Variants in EPB41L3 observed in about 807,000 individuals in gnomAD.
The protein encoded by EPB41L3 is erythrocyte membrane protein band 4.1 like 3.
A neutral mutation model predicts 127.1 loss-of-function variants in EPB41L3; 57 were observed. That is an observed-to-expected ratio of 0.45 (90% CI 0.36 to 0.56). EPB41L3 has a LOEUF of 0.56. Among genes scored for constraint, EPB41L3 ranks in the 20% least tolerant of loss-of-function variants. EPB41L3 has a pLI of 0.00. For missense variants in EPB41L3, 1,273 were observed against 1,372.2 expected (o/e 0.93, Z 1.14); for synonymous variants, 572 against 549.5 (o/e 1.04, Z -0.57).
chr18:5,486,117 A>T (rs926638834), intron 2 of EPB41L3, among the ~76,000 whole-genome samples: 1 of 152,096 alleles, frequency 6.6e-6, no homozygotes, highest in Non-Finnish European at 1.5e-5. Flanking sequence ...TAATCAAAAC[A>T]GCATGGTACT....
intron 3 of EPB41L3, among the ~76,000 whole-genome samples, chr18:5,569,888 T>C (rs1357914141): frequency 1.3e-5 from 2 of 152,240 alleles, no homozygotes; most frequent in African/African-American, 4.8e-5. Flanking sequence ...TCCTTTCAAA[T>C]GTGTAGTCAA....
At chr18:5,446,663 G>A (rs902062713) in intron 3 of EPB41L3, among the ~76,000 whole-genome samples, 2 of 152,182 alleles carry the variant, frequency 1.3e-5, no homozygotes, top group African/African-American at 2.4e-5. Flanking sequence ...AAGCAATTAC[G>A]CAGTCCCCTC....
At chr18:5,551,249 GA>G (rs2093959333) in intron 3 of EPB41L3, among the ~76,000 whole-genome samples, 2 of 152,144 alleles carry the variant, frequency 1.3e-5, no homozygotes, top group African/African-American at 4.8e-5. Flanking sequence ...ATAGCTTGAT[GA>G]ACAGAGCACC....
chr18:5,478,176 AT>A, intron 3 of EPB41L3, 64 bp downstream of exon 3: 1 of 1,460,030 alleles, frequency 6.8e-7, no homozygotes, highest in Non-Finnish European at 9.5e-7. Flanking sequence ...CATCTTGTAT[AT>A]TTTATACCAA....
intron 9 of EPB41L3, 79 bp downstream of exon 9, chr18:5,428,234 C>A: frequency 6.5e-7 from 1 of 1,540,348 alleles, no homozygotes; most frequent in South Asian, 1.2e-5. Flanking sequence ...GCTCAGAACT[C>A]ATAAGCAGAT....
chr18:5,585,485 G>A (rs2094434101), intron 3 of EPB41L3, among the ~76,000 whole-genome samples: 2 of 152,068 alleles, frequency 1.3e-5, no homozygotes, highest in African/African-American at 2.4e-5. Context: ...TGTATTTTTA[G>A]TAGAGACGGG....
At chr18:5,404,540 T>C (rs1157102378) in intron 16 of EPB41L3, among the ~76,000 whole-genome samples, 1 of 152,198 alleles carries the variant, frequency 6.6e-6, no homozygotes, top group Non-Finnish European at 1.5e-5. Context: ...AAGTTCAGTA[T>C]ATTCAAAGTA....
chr18:5,622,993 A>G (rs1199396270), intron 1 of EPB41L3, among the ~76,000 whole-genome samples: 1 of 126,084 alleles, frequency 7.9e-6, no homozygotes. Flanking sequence ...TCAGACCAGT[A>G]ACTAAAATAT....
chr18:5,476,011 C>T (rs1012892753), intron 3 of EPB41L3, among the ~76,000 whole-genome samples: 2 of 152,044 alleles, frequency 1.3e-5, no homozygotes, highest in African/African-American at 2.4e-5. Context: ...ACTTTACTTT[C>T]CATTGTTTAT....
chr18:5,396,442 G>A (rs990304605), intron 18 of EPB41L3, 110 bp from the exon 19 acceptor site: 1 of 1,293,552 alleles, frequency 7.7e-7, no homozygotes, highest in South Asian at 1.4e-5. Context: ...TGCTATAAAT[G>A]TTTATGTAGA....
chr18:5,536,031 C>T (rs552698874), intron 1 of EPB41L3, among the ~76,000 whole-genome samples: 10 of 152,152 alleles, frequency 6.6e-5, no homozygotes, highest in African/African-American at 1.7e-4. Flanking sequence ...TGCTGTCCCT[C>T]GAGGCATGCC....
intron 1 of EPB41L3, among the ~76,000 whole-genome samples, chr18:5,496,604 T>C (rs2091202184): frequency 6.6e-6 from 1 of 152,208 alleles, no homozygotes. Flanking sequence ...AGCAAGGAAG[T>C]TCCCAGACTA....
rs575037905 is a variant in EPB41L3, at chr18:5,489,139, C to T, written c.45G>A (p.Gln15=). 1.3e-6 allele frequency: 2 copies of T among 1,595,172 alleles called. No individual in the cohort carries two copies. Among genetic ancestry groups the T allele is most frequent in the Non-Finnish European group, 1.7e-6 (2 of 1,174,988 alleles). The part of the protein sequence containing the change: ...SGSDSESKPD[Q]EAEPQEAAGA... ...CCGCCGCCTCCTGGGGCTCGGCCTC[C>T]TGGTCCGGCTTGGATTCCGAGTCTG... is the stretch of plus-strand genomic sequence containing the variant. Residue 15 remains glutamine, a synonymous_variant, in exon 2 of 23, where the codon CAG becomes CAA. Transcript: ENST00000341928.
chr18:5,592,530 C>T (rs12457330), intron 3 of EPB41L3, among the ~76,000 whole-genome samples: 36,029 of 152,144 alleles, frequency 0.24, 4,376 homozygotes, highest in East Asian at 0.33. Flanking sequence ...CCTGGCTAGG[C>T]TGGCTAAGGG....
chr18:5,484,714 T>A (rs149597808), intron 2 of EPB41L3, among the ~76,000 whole-genome samples: 1 of 151,870 alleles, frequency 6.6e-6, no homozygotes, highest in East Asian at 1.9e-4. Flanking sequence ...AACAACTATA[T>A]GGCAACAGAT....
At chr18:5,479,512 G>T (rs1034245703) in intron 2 of EPB41L3, 1 of 152,074 alleles carries the variant, frequency 6.6e-6, no homozygotes, top group African/African-American at 2.4e-5. Flanking sequence ...AGATATTTGG[G>T]TATATTTATT....
intron 5 of EPB41L3, among the ~76,000 whole-genome samples, chr18:5,442,463 G>A (rs2080920801): frequency 6.6e-6 from 1 of 152,100 alleles, no homozygotes; most frequent in Admixed American, 6.5e-5. Flanking sequence ...ATATTACCTA[G>A]TATTGAACCA....
intron 1 of EPB41L3, among the ~76,000 whole-genome samples, chr18:5,495,798 C>T (rs1051147240): frequency 2.6e-5 from 4 of 152,216 alleles, no homozygotes; most frequent in South Asian, 4.1e-4. Context: ...CTTAACAGAA[C>T]GTGGCTTCCC....
At chr18:5,430,506 C>T (rs2078847741) in intron 8 of EPB41L3, among the ~76,000 whole-genome samples, 1 of 151,944 alleles carries the variant, frequency 6.6e-6, no homozygotes, top group Non-Finnish European at 1.5e-5. Flanking sequence ...TGATACTTTT[C>T]ATCTCAAATT....
Sources: allele counts gnomAD v4.1 joint callset (sites outside exome capture counted in the v4.1 genomes callset), GRCh38; gene constraint gnomAD v4.1.1; transcripts MANE v1.5; gene names NCBI Gene and HGNC (gene_info 2026-07-23, HGNC 2026-07-21).